C9orf57: variants seen among roughly 807,000 people sequenced by gnomAD.
C9orf57 encodes the protein uncharacterized protein C9orf57.
C9orf57 carries 12 observed loss-of-function variants against 12.9 expected under a neutral mutation model. That is an observed-to-expected ratio of 0.93 (90% CI 0.60 to 1.51). The LOEUF (loss-of-function observed/expected upper bound fraction) is 1.51. Ranked by LOEUF, C9orf57 falls within the 40% of genes most tolerant of loss-of-function variation. The probability of loss-of-function intolerance (pLI) is 0.00; values close to 1 mark genes in which losing one functional copy is unlikely to be tolerated. For missense variants in C9orf57, 141 were observed against 162.8 expected (o/e 0.87, Z 0.73); for synonymous variants, 49 against 57.1 (o/e 0.86, Z 0.64).
At chr9:72,052,760 C>A (rs564384572) in intron 4 of C9orf57, among the ~76,000 whole-genome samples, 2 of 152,318 alleles carry the variant, frequency 1.3e-5, no homozygotes, top group South Asian at 4.1e-4. Context: ...TCCTGATAAT[C>A]ATCCCCCAGT....
rs1226177017 is a variant in C9orf57 at position 72,060,553 on chromosome 9, G to A, written c.-110C>T. The A allele has an allele frequency of 6.5e-7, 1 of 1,548,744 alleles. No individual in the cohort carries two copies. ...TTCCTGGGTCTGAACTTTCTTAAAA[G>A]GATGAGAACGAGTACAATTTGTGAT... On this transcript the variant is annotated 5_prime_UTR_variant, in exon 1 of 5. Coordinates refer to ENST00000651200, the MANE Select transcript of C9orf57 (RefSeq NM_001128618.2).
intron 1 of C9orf57, among the ~76,000 whole-genome samples, chr9:72,059,943 A>C (rs1824295020): frequency 6.6e-6 from 1 of 152,254 alleles, no homozygotes; most frequent in Non-Finnish European, 1.5e-5. Context: ...AGAACTATGA[A>C]GTGAAATAGA....
At chr9:72,058,688 A>T (rs949834850) in intron 2 of C9orf57, among the ~76,000 whole-genome samples, 1 of 152,092 alleles carries the variant, frequency 6.6e-6, no homozygotes, top group Non-Finnish European at 1.5e-5. Context: ...AATGTGTTTT[A>T]TATCTCCCTC....
intron 4 of C9orf57, among the ~76,000 whole-genome samples, chr9:72,055,273 TG>T (rs1362123180): frequency 1.3e-5 from 2 of 151,828 alleles, no homozygotes; most frequent in African/African-American, 4.8e-5. Flanking sequence ...CATTGTTTCC[TG>T]CCTTCCTTCC....
Position 72,059,104 on chromosome 9 carries a change from C to T in C9orf57, c.97+131G>A, listed in dbSNP as rs1025022155. On this transcript the variant is annotated intron_variant, in intron 2 of 4. Coordinates refer to ENST00000651200, the MANE Select transcript of C9orf57 (RefSeq NM_001128618.2). ...GTTGGTCAGGCTGGTCTTGAACTCC[C>T]GACCTCAGACCTGATCCACCCGCCT... is the stretch of plus-strand genomic sequence containing the variant. The T allele has an allele frequency of 2.7e-5, 31 of 1,156,940 alleles. No homozygotes were observed. In the African/African-American group the frequency reaches 2.8e-4, roughly 11 times the overall value. The allele number at this position is 1,156,940 out of a possible 1,614,324, so 71.7% of individuals were successfully genotyped here.
Position 72,051,663 on chromosome 9 carries a change from A to C in C9orf57, c.*633T>G, listed in dbSNP as rs1824084266. ...AAGCCAAAGCATTTAGGCATGGTTAAGGTACGGAAAATTCAAAATTTGGAT... is the reference window on the plus strand; with the variant it reads ...AAGCCAAAGCATTTAGGCATGGTTACGGTACGGAAAATTCAAAATTTGGAT... On this transcript the variant is annotated 3_prime_UTR_variant, in exon 5 of 5. Transcript: ENST00000651200. 6.6e-6 allele frequency: 1 copy of C among 152,256 alleles called. No homozygotes were observed. The highest frequency in any genetic ancestry group is 1.5e-5 in the Non-Finnish European group (1 of 68,068). 9.4% of individuals were successfully genotyped at this position (152,256 alleles called of 1,614,324 possible). A position where few individuals can be genotyped will look rare whatever the true frequency, so the allele number is the denominator to read the frequency against.
At chr9:72,060,410 A>T (rs762295197) in intron 1 of C9orf57, 87 bp downstream of exon 1, 1 of 713,442 alleles carries the variant, frequency 1.4e-6, no homozygotes, top group Non-Finnish European at 2.5e-6. Flanking sequence ...ATTATGTGAT[A>T]GTTAACGATA....
chr9:72,057,070 G>A (rs756863798), intron 2 of C9orf57, among the ~76,000 whole-genome samples: 2 of 151,368 alleles, frequency 1.3e-5, no homozygotes, highest in Admixed American at 6.6e-5. Flanking sequence ...CACACCCACC[G>A]TGTCCAGCTT....
intron 1 of C9orf57, among the ~76,000 whole-genome samples, chr9:72,060,027 C>A (rs11143089): frequency 0.22 from 32,656 of 151,840 alleles, 3,827 homozygotes; most frequent in East Asian, 0.48. Context: ...CATATTCATT[C>A]ATGCTCCTTT....
Position 72,052,231 on chromosome 9 carries a change from G to T in C9orf57, c.*65C>A. The T allele has an allele frequency of 2.0e-6, 3 of 1,512,868 alleles. No homozygotes were observed. Among genetic ancestry groups the T allele is most frequent in the Non-Finnish European group, 1.8e-6 (2 of 1,123,708 alleles). The allele number at this position is 1,512,868 out of a possible 1,614,324, so 93.7% of individuals were successfully genotyped here. A position where few individuals can be genotyped will look rare whatever the true frequency, so the allele number is the denominator to read the frequency against. On this transcript the variant is annotated 3_prime_UTR_variant, in exon 5 of 5. Coordinates refer to ENST00000651200, the MANE Select transcript of C9orf57 (RefSeq NM_001128618.2). ...GCTAATTGACAATAGCCATCATTTT[G>T]TGATAGCCAGGTCAGGCTTCGAGAC...
intron 4 of C9orf57, among the ~76,000 whole-genome samples, chr9:72,054,740 T>G (rs1205923015): frequency 6.6e-6 from 1 of 152,102 alleles, no homozygotes; most frequent in Admixed American, 6.6e-5. Flanking sequence ...TTTTTAAAAT[T>G]GTTTTTGAAG....
At chr9:72,058,134 G>T (rs1445670407) in intron 2 of C9orf57, among the ~76,000 whole-genome samples, 1 of 152,166 alleles carries the variant, frequency 6.6e-6, no homozygotes, top group African/African-American at 2.4e-5. Flanking sequence ...ACCAATGTTT[G>T]TGAATCGTTG....
chr9:72,055,592 A>G lies in C9orf57; in HGVS notation c.280+482T>C, dbSNP rs554041198. On this transcript the variant is annotated intron_variant, in intron 4 of 4. Coordinates refer to ENST00000651200, the MANE Select transcript of C9orf57 (RefSeq NM_001128618.2). ...CAGGTGTGTGCTACCATGCCTAGCT[A>G]ACCTCCATTCTTTCAAACTTAAAAT... 3.4e-4 allele frequency among the ~76,000 whole-genome samples: 52 copies of G among 151,926 alleles called. 1 individual carries two copies. Among genetic ancestry groups the G allele is most frequent in the Non-Finnish European group, 7.4e-5 (5 of 68,006 alleles).
intron 4 of C9orf57, among the ~76,000 whole-genome samples, chr9:72,054,836 A>G (rs537728844): frequency 1.3e-3 from 203 of 151,202 alleles, no homozygotes; most frequent in African/African-American, 4.7e-3. Flanking sequence ...TTTTGGAATT[A>G]TCACACATTT....
In C9orf57 at chr9:72,052,252, G is replaced by C; in HGVS notation, c.*44C>G. ...TTTTGTGATAGCCAGGTCAGGCTTC[G>C]AGACTGATTGATCTGCCAAGCATTT... On this transcript the variant is annotated 3_prime_UTR_variant, in exon 5 of 5. Transcript: ENST00000651200. 2 of 1,544,994 alleles carry C rather than the reference G, an allele frequency of 1.3e-6. No individual in the cohort carries two copies. The highest frequency in any genetic ancestry group is 2.0e-5 in the Admixed American group (1 of 50,762).
At chr9:72,055,112 T>A (rs1824163070) in intron 4 of C9orf57, among the ~76,000 whole-genome samples, 1 of 151,050 alleles carries the variant, frequency 6.6e-6, no homozygotes, top group Non-Finnish European at 1.5e-5. Context: ...ATATATATTT[T>A]TTTTTGTAGA....
rs528473526 is a variant in C9orf57, at chr9:72,051,998, T to C, written c.*298A>G. The C allele has an allele frequency of 3.3e-6, 1 of 299,106 alleles. No homozygotes were observed. The highest frequency in any genetic ancestry group is 6.8e-5 in the East Asian group (1 of 14,718). The allele number at this position is 299,106 out of a possible 1,614,324, so 18.5% of individuals were successfully genotyped here. On this transcript the variant is annotated 3_prime_UTR_variant, in exon 5 of 5. Coordinates refer to ENST00000651200, the MANE Select transcript of C9orf57 (RefSeq NM_001128618.2). ...TAGAGGTGACATGCCTAGTTTGACTTGGAGAATCACTAACATTTTTCCTTC... is the reference window on the plus strand; with the variant it reads ...TAGAGGTGACATGCCTAGTTTGACTCGGAGAATCACTAACATTTTTCCTTC...
intron 2 of C9orf57, among the ~76,000 whole-genome samples, chr9:72,057,154 G>A (rs997194367): frequency 1.3e-5 from 2 of 151,972 alleles, no homozygotes; most frequent in African/African-American, 4.8e-5. Context: ...GCCTCCCAAA[G>A]TGCTGGGATT....
intron 4 of C9orf57, among the ~76,000 whole-genome samples, 174 bp from the exon 5 acceptor site, chr9:72,052,609 AC>A (rs1228251534): frequency 2.0e-5 from 3 of 152,186 alleles, no homozygotes; most frequent in African/African-American, 7.2e-5. Context: ...AAGAACTCCC[AC>A]TTAGACTATT....
Sources: allele counts gnomAD v4.1 joint callset (sites outside exome capture counted in the v4.1 genomes callset), GRCh38; gene constraint gnomAD v4.1.1; transcripts MANE v1.5; gene names NCBI Gene and HGNC (gene_info 2026-07-23, HGNC 2026-07-21).